The following CHST15 variants were observed in gnomAD, a reference collection of about 807,000 sequenced individuals.
CHST15 encodes B cell RAG associated protein (GALNAC4S-6ST).
CHST15 carries 30 observed loss-of-function variants against 53.6 expected under a neutral mutation model. That is an observed-to-expected ratio of 0.56 (90% CI 0.42 to 0.76). The LOEUF (loss-of-function observed/expected upper bound fraction) is 0.76. CHST15 is among the 30% of genes least tolerant of loss of function. The probability of loss-of-function intolerance (pLI) is 0.00; values close to 1 mark genes in which losing one functional copy is unlikely to be tolerated. For synonymous variants in CHST15, 296 were observed against 289.8 expected (o/e 1.02, Z -0.22); for missense variants, 627 against 740.5 (o/e 0.85, Z 1.78).
intron 1 of CHST15, among the ~76,000 whole-genome samples, chr10:124,048,006 T>G (rs372053535): frequency 6.6e-6 from 1 of 152,238 alleles, no homozygotes; most frequent in African/African-American, 2.4e-5. Flanking sequence ...AAGATCGCCA[T>G]GTACTGGCTG....
chr10:124,087,723 C>T (rs1590383583), intron 1 of CHST15, among the ~76,000 whole-genome samples: 1 of 126,404 alleles, frequency 7.9e-6, no homozygotes, highest in Admixed American at 7.5e-5. Context: ...CCCCGCCCTC[C>T]AGGCCCCCTC....
At chr10:124,059,995 C>A (rs1441456274) in intron 1 of CHST15, among the ~76,000 whole-genome samples, 2 of 152,118 alleles carry the variant, frequency 1.3e-5, no homozygotes, top group East Asian at 3.9e-4. Context: ...TCATTTTCTG[C>A]CCCCAGACAG....
intron 1 of CHST15, among the ~76,000 whole-genome samples, chr10:124,049,899 G>A (rs1399826265): frequency 6.6e-6 from 1 of 152,100 alleles, no homozygotes; most frequent in East Asian, 1.9e-4. Context: ...GCAGTCTGGT[G>A]AGACCGAGCC....
intron 1 of CHST15, among the ~76,000 whole-genome samples, chr10:124,072,704 G>A (rs554449861): frequency 2.6e-5 from 4 of 152,340 alleles, no homozygotes; most frequent in Non-Finnish European, 5.9e-5. Flanking sequence ...AAAGCATGGA[G>A]ACTAAAATGC....
At chr10:124,077,413 T>C (rs1711973215) in intron 1 of CHST15, among the ~76,000 whole-genome samples, 1 of 152,200 alleles carries the variant, frequency 6.6e-6, no homozygotes, top group South Asian at 2.1e-4. Context: ...ATCACGCTAA[T>C]GTGATTACAC....
intron 5 of CHST15, among the ~76,000 whole-genome samples, chr10:124,034,454 T>C (rs1947343100): frequency 6.6e-6 from 1 of 151,992 alleles, no homozygotes; most frequent in Non-Finnish European, 1.5e-5. Flanking sequence ...CTCACCTTTG[T>C]GGTGTTGGTA....
At chr10:124,038,383 G>T in intron 5 of CHST15, 132 bp downstream of exon 5, 1 of 997,970 alleles carries the variant, frequency 1.0e-6, no homozygotes, top group Non-Finnish European at 1.5e-6. Flanking sequence ...TGGGATTACA[G>T]GCATGAGCCA....
At chr10:124,042,227 T>A in intron 4 of CHST15, 74 bp downstream of exon 4, 1 of 1,477,726 alleles carries the variant, frequency 6.8e-7, no homozygotes, top group Admixed American at 2.0e-5. Flanking sequence ...GAAGCAGAGC[T>A]GGGCTAGGCC....
At chr10:124,020,897 C>G in intron 6 of CHST15, 1 of 1,294,916 alleles carries the variant, frequency 7.7e-7, no homozygotes, top group Non-Finnish European at 9.8e-7. Flanking sequence ...AAACAATCCA[C>G]CGCTCAAGAG....
chr10:124,046,076 C>G lies in CHST15; in HGVS notation c.137G>C (p.Arg46Pro). The stretch of plus-strand genomic sequence containing the variant: ...CAAGTTCATCTGCTTACTGTCCACA[C>G]GAAACAGAATTTTGTTTTCTCCTTT... ...TCKGENKILF[R>P]VDSKQMNLLA... is the part of the protein sequence containing the mutation. Residue 46 changes from arginine (R) to proline (P), a missense_variant, in exon 2 of 8, where the codon CGT becomes CCT. Around this residue, in one of 3 missense-constraint regions of CHST15, gnomAD observed 187 missense variants for 251.8 expected, o/e 0.74. Coordinates refer to ENST00000435907, the MANE Select transcript of CHST15 (RefSeq NM_001270764.2). 1.9e-6 allele frequency: 3 copies of G among 1,614,220 alleles called. No homozygotes were observed. The South Asian group carries it at 3.3e-5, about 18-fold the overall frequency.
chr10:124,027,997 G>A (rs9422266), intron 5 of CHST15, among the ~76,000 whole-genome samples: 121,657 of 152,212 alleles, frequency 0.8, 48,926 homozygotes, highest in Non-Finnish European at 0.84. Context: ...TTAGGTGCAC[G>A]GTGATTTGGA....
At chr10:124,018,450 G>A (rs187210083) in intron 6 of CHST15, among the ~76,000 whole-genome samples, 3 of 152,354 alleles carry the variant, frequency 2.0e-5, no homozygotes, top group Admixed American at 6.5e-5. Context: ...TCGGAGCCAC[G>A]AATCCCTGTA....
At chr10:124,038,714 G>A in intron 4 of CHST15, 43 bp from the exon 5 acceptor site, 2 of 1,603,326 alleles carry the variant, frequency 1.2e-6, no homozygotes, top group Non-Finnish European at 1.7e-6. Context: ...GTGTGATTCA[G>A]GCTCCCACGG....
At chr10:124,086,842 C>T (rs28545319) in intron 1 of CHST15, among the ~76,000 whole-genome samples, 34 of 152,318 alleles carry the variant, frequency 2.2e-4, no homozygotes, top group Non-Finnish European at 4.3e-4. Context: ...GAGATGCAAG[C>T]TAAGCCACTT....
rs529503571 is a variant in CHST15, at chr10:124,026,937, G to C, written c.1191-5525C>G. Among the ~76,000 whole-genome samples, 10 of 152,282 alleles carry C rather than the reference G, an allele frequency of 6.6e-5. 1 individual carries two copies. The South Asian group carries it at 1.7e-3, about 25-fold the overall frequency. On this transcript the variant is annotated intron_variant, in intron 5 of 7. Coordinates refer to ENST00000435907, the MANE Select transcript of CHST15 (RefSeq NM_001270764.2). ...GTCCTAGAAGGCAGGAGCAGCCTAG[G>C]CTGGAGGGAAGGAGGGCTCCAGGAT... is the stretch of plus-strand genomic sequence containing the variant.
chr10:124,047,491 A>G (rs1948043796), intron 1 of CHST15, among the ~76,000 whole-genome samples: 1 of 152,222 alleles, frequency 6.6e-6, no homozygotes, highest in Admixed American at 6.5e-5. Flanking sequence ...CTGTGGTTAT[A>G]AAATATATTG....
rs28394109 is a variant in CHST15 at position 124,056,406 on chromosome 10, A to G, written c.-512-9682T>C. On this transcript the variant is annotated intron_variant, in intron 1 of 7. Transcript: ENST00000435907. ...GGGGCATTGAGTCTTAACCTGTCTCAATTCAGACTCTATTCATCACTCAGG... is the reference window on the plus strand; with the variant it reads ...GGGGCATTGAGTCTTAACCTGTCTCGATTCAGACTCTATTCATCACTCAGG... 6.9e-4 allele frequency among the ~76,000 whole-genome samples: 105 copies of G among 152,250 alleles called. No individual in the cohort carries two copies. In the East Asian group the frequency reaches 0.02, roughly 28 times the overall value.
intron 5 of CHST15, among the ~76,000 whole-genome samples, chr10:124,038,298 G>A (rs375274664): frequency 3.3e-5 from 5 of 151,964 alleles, no homozygotes; most frequent in Non-Finnish European, 7.4e-5. Context: ...TAGAGATGGG[G>A]TTTCACCATG....
intron 1 of CHST15, among the ~76,000 whole-genome samples, chr10:124,071,883 C>T (rs185721273): frequency 3.4e-3 from 523 of 152,340 alleles, no homozygotes; most frequent in Admixed American, 6.7e-3. Flanking sequence ...GTCCTAGTCA[C>T]ATTTCAAGCA....
Sources: gnomAD v4.1 joint callset for allele counts (sites outside exome capture counted in the v4.1 genomes callset) on GRCh38, gnomAD v4.1.1 for gene constraint, gnomAD v4.1.1 regional missense constraint, MANE v1.5 for transcripts, NCBI Gene and HGNC (gene_info 2026-07-23, HGNC 2026-07-21) for gene names.